Variants in VPS18 observed in about 807,000 individuals in gnomAD.
VPS18 encodes the protein VPS18 core subunit of CORVET and HOPS complexes, also known as vacuolar protein sorting-associated protein 18 homolog.
In VPS18, 25 loss-of-function variants were observed where a neutral mutation model predicts 82.0. That is an observed-to-expected ratio of 0.30 (90% confidence interval 0.22 to 0.43). The LOEUF (loss-of-function observed/expected upper bound fraction) is 0.43. Among genes scored for constraint, VPS18 ranks in the 20% least tolerant of loss-of-function variants. The pLI, the probability that VPS18 is intolerant of heterozygous loss-of-function variation, is 1.00. For missense variants in VPS18, 1,168 were observed against 1,311.1 expected (o/e 0.89, Z 1.69); for synonymous variants, 523 against 543.0 (o/e 0.96, Z 0.51).
In VPS18 at chr15:40,899,707, T is replaced by C. The variant is rs148081639; in HGVS notation, c.889T>C (p.Leu297=). The stretch of plus-strand genomic sequence containing the variant: ...GGGGGATGGTGTGTTGTATGGGGCA[T>C]TGGACTGTGGGCGCCCTGACTCTCT... ...MMGDGVLYGA[L]DCGRPDSLLS... The change falls in exon 4 of 5, where the codon TTG becomes CTG. Residue 297 remains leucine, a synonymous_variant. Coordinates refer to ENST00000220509, the MANE Select transcript of VPS18 (RefSeq NM_020857.3). The surrounding 1 kb of genome is among the most constrained non-coding windows in gnomAD (Gnocchi z 4.4). 3.7e-5 allele frequency: 60 copies of C among 1,613,824 alleles called. No individual in the cohort carries two copies. Among genetic ancestry groups the C allele is most frequent in the Non-Finnish European group, 5.0e-5 (59 of 1,180,028 alleles).
intron 4 of VPS18, among the ~76,000 whole-genome samples, chr15:40,901,351 G>A (rs1416692642): frequency 6.6e-6 from 1 of 152,182 alleles, no homozygotes; most frequent in Non-Finnish European, 1.5e-5. Context: ...CACTTTGGGA[G>A]GCCGAGGTGG....
At chr15:40,894,934 C>T in intron 1 of VPS18, 75 bp downstream of exon 1, 1 of 1,444,434 alleles carries the variant, frequency 6.9e-7, no homozygotes, top group Non-Finnish European at 9.3e-7. Flanking sequence ...GAGGGCAGCT[C>T]CAAGAGCTCG....
rs1892336070 is a variant in VPS18, at chr15:40,900,583, C to T, written c.1765C>T (p.His589Tyr). Reference protein sequence around the residue: ...YEEALAVLARHRDPQLFYKFS... With the variant: ...YEEALAVLARYRDPQLFYKFS... The stretch of plus-strand genomic sequence containing the variant: ...GGAGGCCCTGGCCGTGCTCGCCCGC[C>T]ACCGTGACCCCCAGCTCTTCTACAA... The change falls in exon 4 of 5, where the codon CAC (histidine) becomes TAC (tyrosine). Residue 589 changes from histidine to tyrosine, a missense_variant. By Grantham distance (83) the His-to-Tyr change is moderately conservative. Coordinates refer to ENST00000220509, the MANE Select transcript of VPS18 (RefSeq NM_020857.3). This position sits in a 1 kb window ranked among gnomAD's most constrained non-coding sequence, Gnocchi z 5.4. The T allele has an allele frequency of 6.2e-7, 1 of 1,613,864 alleles. No homozygotes were observed. The highest frequency in any genetic ancestry group is 1.3e-5 in the African/African-American group (1 of 74,940).
In VPS18 at chr15:40,903,580, G is replaced by T; in HGVS notation, c.*239G>T. On this transcript the variant is annotated 3_prime_UTR_variant, in exon 5 of 5. Coordinates refer to ENST00000220509, the MANE Select transcript of VPS18 (RefSeq NM_020857.3). ...GACCATCAGCCTGCCTCCCAGTAGA[G>T]GCCCTTCACCTGGAGAAGTCAGAAA... 2.1e-6 allele frequency: 1 copy of T among 481,884 alleles called. No individual in the cohort carries two copies. 29.9% of individuals were successfully genotyped at this position (481,884 alleles called of 1,614,324 possible).
In VPS18 at chr15:40,900,048, G is replaced by C. The variant is rs756185238; in HGVS notation, c.1230G>C (p.Leu410=). ...RTYLDMNRFD[L]AKEYCRERPD... ...ATCTGGACATGAACCGCTTCGATCT[G>C]GCCAAAGAGTATTGTCGAGAGCGGC... Residue 410 remains leucine, a synonymous_variant, in exon 4 of 5, where the codon CTG becomes CTC. Transcript: ENST00000220509. The surrounding 1 kb of genome is among the most constrained non-coding windows in gnomAD (Gnocchi z 5.4). 6.8e-6 allele frequency: 11 copies of C among 1,613,748 alleles called. No individual in the cohort carries two copies. The highest frequency in any genetic ancestry group is 1.3e-5 in the African/African-American group (1 of 74,932).
chr15:40,903,810 C>G lies in VPS18; in HGVS notation c.*469C>G, dbSNP rs1191511783. 6.5e-6 allele frequency: 1 copy of G among 154,068 alleles called. No homozygotes were observed. Among genetic ancestry groups the G allele is most frequent in the Non-Finnish European group, 1.4e-5 (1 of 69,388 alleles). The allele number at this position is 154,068 out of a possible 1,614,324, so 9.5% of individuals were successfully genotyped here. On this transcript the variant is annotated 3_prime_UTR_variant, in exon 5 of 5. Coordinates refer to ENST00000220509, the MANE Select transcript of VPS18 (RefSeq NM_020857.3). ...AGGTGTCCCAGAAGTGAGAAGGCAG[C>G]CTTCGAAGTCCTGGGCATTGGGTGA...
chr15:40,903,685 G>T lies in VPS18; in HGVS notation c.*344G>T. Reference sequence around the variant, plus strand: ...CACACACGTCCTGTTCACCTCGAGAGAGAGAGAGAGAGAGCACCTTTCTTC... The same window carrying T: ...CACACACGTCCTGTTCACCTCGAGATAGAGAGAGAGAGAGCACCTTTCTTC... On this transcript the variant is annotated 3_prime_UTR_variant, in exon 5 of 5. Transcript: ENST00000220509. The T allele has an allele frequency of 5.1e-6, 1 of 196,554 alleles. No individual in the cohort carries two copies. The highest frequency in any genetic ancestry group is 1.6e-4 in the South Asian group (1 of 6,288). The allele number at this position is 196,554 out of a possible 1,614,324, so 12.2% of individuals were successfully genotyped here.
intron 2 of VPS18, among the ~76,000 whole-genome samples, chr15:40,896,993 T>C (rs966528526): frequency 3.9e-5 from 6 of 151,970 alleles, no homozygotes; most frequent in African/African-American, 1.5e-4. Context: ...AATGCAGTTG[T>C]TTAAAAAAAT....
At position 40,902,831 on chromosome 15, in the gene VPS18, G is replaced by A. The variant is rs137961604; in HGVS notation, c.2412G>A (p.Ala804=). 3.8e-5 allele frequency: 62 copies of A among 1,614,104 alleles called. No individual in the cohort carries two copies. The African/African-American group carries it at 3.9e-4, about 10-fold the overall frequency. Residue 804 remains alanine (A), a synonymous_variant, in exon 5 of 5, where the codon GCG becomes GCA. Coordinates refer to ENST00000220509, the MANE Select transcript of VPS18 (RefSeq NM_020857.3). The surrounding 1 kb of genome is among the most constrained non-coding windows in gnomAD (Gnocchi z 4.2). ...DFVTIDHFKE[A]ICSSLKAYNH... The stretch of plus-strand genomic sequence containing the variant: ...TCACCATCGACCACTTCAAGGAGGC[G>A]ATCTGCAGCTCACTTAAGGCCTACA...
rs143629720 is a variant in VPS18 at position 40,903,285 on chromosome 15, G to T, written c.2866G>T (p.Asp956Tyr). The T allele has an allele frequency of 5.7e-6, 9 of 1,572,344 alleles. No individual in the cohort carries two copies. The highest frequency in any genetic ancestry group is 6.9e-6 in the Non-Finnish European group (8 of 1,159,998). The stretch of plus-strand genomic sequence containing the variant: ...TGGGGAGCTGATGATCCGCTCTATC[G>T]ACCGGCCGTTCATCGACCCCCAGCG... The part of the protein sequence containing the change: ...YCGELMIRSI[D>Y]RPFIDPQRYE... Residue 956 changes from aspartate (D) to tyrosine (Y), a missense_variant, in exon 5 of 5, where the codon GAC (aspartate) becomes TAC (tyrosine). Physicochemically the swap from Asp to Tyr is radical, Grantham distance 160. Coordinates refer to ENST00000220509, the MANE Select transcript of VPS18 (RefSeq NM_020857.3).
Position 40,899,583 on chromosome 15 carries a change from A to G in VPS18, c.765A>G (p.Pro255=). 1 of 1,608,064 alleles carries G rather than the reference A, an allele frequency of 6.2e-7. No homozygotes were observed. Among genetic ancestry groups the G allele is most frequent in the Non-Finnish European group, 8.5e-7 (1 of 1,179,926 alleles). Residue 255 remains proline, a synonymous_variant, in exon 4 of 5, where the codon CCA becomes CCG. Transcript: ENST00000220509. The surrounding 1 kb of genome is among the most constrained non-coding windows in gnomAD (Gnocchi z 4.4). ...SGLFAAYTDH[P]PPFREFPSNL... ...TCTTTGCAGCTTACACGGACCACCC[A>G]CCCCCATTCCGTGAGTTTCCCAGCA...
In VPS18 at chr15:40,894,547, A is replaced by G. The variant is rs1023236321; in HGVS notation, c.-222A>G. The G allele has an allele frequency of 2.1e-6, 1 of 480,164 alleles. No homozygotes were observed. Among genetic ancestry groups the G allele is most frequent in the Non-Finnish European group, 3.7e-6 (1 of 270,584 alleles). The allele number at this position is 480,164 out of a possible 1,614,324, so 29.7% of individuals were successfully genotyped here. On this transcript the variant is annotated 5_prime_UTR_variant, in exon 1 of 5. Coordinates refer to ENST00000220509, the MANE Select transcript of VPS18 (RefSeq NM_020857.3). ...GCGGGGGCGGGGAGTAAGGTGCAAGACTGCGCCAGATTCAAGGACGAGGGC... is the reference window on the plus strand; with the variant it reads ...GCGGGGGCGGGGAGTAAGGTGCAAGGCTGCGCCAGATTCAAGGACGAGGGC...
rs1320316890 is a variant in VPS18 at position 40,900,190 on chromosome 15, C to G, written c.1372C>G (p.Leu458Val). Residue 458 changes from leucine to valine, a missense_variant, in exon 4 of 5, where the codon CTC (leucine) becomes GTC (valine). Around this residue, in one of 3 missense-constraint regions of VPS18, gnomAD observed 868 missense variants for 939.8 expected, o/e 0.92. Transcript: ENST00000220509. The surrounding 1 kb of genome is among the most constrained non-coding windows in gnomAD (Gnocchi z 5.4). ...LTQSYFEEIA[L>V]KFLEARQEEA... is the part of the protein sequence containing the mutation. ...CCAGAGCTACTTTGAGGAGATTGCC[C>G]TCAAGTTCCTGGAGGCCCGACAGGA... is the stretch of plus-strand genomic sequence containing the variant. 6.2e-7 allele frequency: 1 copy of G among 1,613,774 alleles called. No homozygotes were observed. The highest frequency in any genetic ancestry group is 8.5e-7 in the Non-Finnish European group (1 of 1,180,036).
chr15:40,898,244 G>A (rs370252960), intron 2 of VPS18, among the ~76,000 whole-genome samples: 9 of 150,088 alleles, frequency 6.0e-5, no homozygotes, highest in East Asian at 3.9e-4. Context: ...GTGAGCCACC[G>A]CGCCCGGCCT....
At chr15:40,898,725 G>C in intron 2 of VPS18, 182 bp from the exon 3 acceptor site, 1 of 684,360 alleles carries the variant, frequency 1.5e-6, no homozygotes, top group Non-Finnish European at 2.6e-6. Context: ...TACCCACCTC[G>C]GACTCCCAAA....
intron 1 of VPS18, 43 bp downstream of exon 1, chr15:40,894,902 G>C: frequency 1.3e-6 from 2 of 1,525,598 alleles, no homozygotes; most frequent in Non-Finnish European, 1.8e-6. Flanking sequence ...GGCTCTCCTA[G>C]CATTTGCGTG....
chr15:40,896,166 G>A, intron 2 of VPS18, 87 bp downstream of exon 2: 3 of 1,549,980 alleles, frequency 1.9e-6, no homozygotes, highest in African/African-American at 1.4e-5. Context: ...TCTATTCCAG[G>A]CAAGTAAAGC....
rs1221749896 is a variant in VPS18, at chr15:40,901,006, G to T, written c.2188G>T (p.Ala730Ser). The change falls in exon 4 of 5, where the codon GCC (alanine) becomes TCC (serine). Residue 730 changes from alanine (A) to serine (S), a missense_variant. Transcript: ENST00000220509. ...GCTGTATGAGGAGGCCGTGGACCTG[G>T]CCCTGCAGGTAAGCCAGTACGTCTT... ...LELYEEAVDL[A>S]LQVDVDLAKQ... 1 of 1,599,602 alleles carries T rather than the reference G, an allele frequency of 6.3e-7. No homozygotes were observed. Among genetic ancestry groups the T allele is most frequent in the East Asian group, 2.2e-5 (1 of 44,708 alleles).
rs776451687 is a variant in VPS18 at position 40,899,349 on chromosome 15, C to T, written c.531C>T (p.Ser177=). 1.1e-5 allele frequency: 18 copies of T among 1,612,494 alleles called. No individual in the cohort carries two copies. Among genetic ancestry groups the T allele is most frequent in the Middle Eastern group, 3.3e-4 (2 of 6,080 alleles). ...TCTTTGAAGCAGAGCTCTCAGCCAG[C>T]GAAGGTGGGCTTTTCGGCCCTGCTC... ...GHIFEAELSA[S]EGGLFGPAPD... is the part of the protein sequence containing the mutation. Residue 177 remains serine, a synonymous_variant, in exon 4 of 5, where the codon AGC becomes AGT. Transcript: ENST00000220509. This position sits in a 1 kb window ranked among gnomAD's most constrained non-coding sequence, Gnocchi z 4.4.
Sources: allele counts gnomAD v4.1 joint callset (sites outside exome capture counted in the v4.1 genomes callset), GRCh38; gene constraint gnomAD v4.1.1; regional missense constraint gnomAD v4.1.1; non-coding constraint Gnocchi (gnomAD v3.1); transcripts MANE v1.5; gene names NCBI Gene and HGNC (gene_info 2026-07-23, HGNC 2026-07-21).